IL6ST: variants seen among roughly 807,000 people sequenced by gnomAD.
IL6ST encodes the protein interleukin-6 receptor subunit beta.
In IL6ST, 24 loss-of-function variants were observed where a neutral mutation model predicts 91.3. The ratio of observed to expected loss-of-function variants is 0.26; its 90% confidence interval spans 0.19 to 0.37. The LOEUF is 0.37. IL6ST is among the 10% of genes least tolerant of loss of function. IL6ST has a pLI of 1.00. For missense variants in IL6ST, 914 were observed against 1,078.5 expected (o/e 0.85, Z 2.14); for synonymous variants, 351 against 373.6 (o/e 0.94, Z 0.70).
Position 55,939,203 on chromosome 5 carries a change from G to A in IL6ST, c.*1879C>T, listed in dbSNP as rs1404999572. 3 of 214,624 alleles carry A rather than the reference G, an allele frequency of 1.4e-5. No individual in the cohort carries two copies. Among genetic ancestry groups the A allele is most frequent in the African/African-American group, 6.8e-5 (3 of 44,324 alleles). The allele number at this position is 214,624 out of a possible 1,614,324, so 13.3% of individuals were successfully genotyped here. Reference sequence around the variant, plus strand: ...TTTGATGATCAACTTAAAAGCTGGAGATGTCATTATCTTGTTGTGTAAATT... The same window carrying A: ...TTTGATGATCAACTTAAAAGCTGGAAATGTCATTATCTTGTTGTGTAAATT... On this transcript the variant is annotated 3_prime_UTR_variant, in exon 17 of 17. Coordinates refer to ENST00000381298, the MANE Select transcript of IL6ST (RefSeq NM_002184.4).
chr5:55,940,234 C>A lies in IL6ST; in HGVS notation c.*848G>T. 4.7e-6 allele frequency: 1 copy of A among 210,700 alleles called. No individual in the cohort carries two copies. Among genetic ancestry groups the A allele is most frequent in the Middle Eastern group, 1.5e-3 (1 of 658 alleles). 13.1% of individuals were successfully genotyped at this position (210,700 alleles called of 1,614,324 possible). On this transcript the variant is annotated 3_prime_UTR_variant, in exon 17 of 17. Transcript: ENST00000381298. Reference sequence around the variant, plus strand: ...TTTTTTTTCCCCTTTACTACTACTTCCTGTTTTCCCCTTTACTACTACAAT... The same window carrying A: ...TTTTTTTTCCCCTTTACTACTACTTACTGTTTTCCCCTTTACTACTACAAT...
chr5:55,974,297 C>T (rs1753142055), intron 3 of IL6ST, among the ~76,000 whole-genome samples: 2 of 152,134 alleles, frequency 1.3e-5, no homozygotes, highest in Non-Finnish European at 2.9e-5. Context: ...AGGCCAAACA[C>T]TGTCCAAATA....
chr5:55,959,678 G>GA (rs780749233), intron 8 of IL6ST: 45 of 1,273,878 alleles, frequency 3.5e-5, no homozygotes, highest in East Asian at 9.9e-5. Context: ...AGTGCTATTA[G>GA]AAAAAAAATG....
At position 55,940,133 on chromosome 5, in the gene IL6ST, G is replaced by GTATATGTGTGTA. The variant is rs1554022476; in HGVS notation, c.*948_*949insTACACACATATA. 1.4e-3 allele frequency: 259 copies of GTATATGTGTGTA among 183,800 alleles called. No individual in the cohort carries two copies. In the East Asian group the frequency reaches 0.021, roughly 15 times the overall value. The allele number at this position is 183,800 out of a possible 1,614,324, so 11.4% of individuals were successfully genotyped here. A position where few individuals can be genotyped will look rare whatever the true frequency, so the allele number is the denominator to read the frequency against. On this transcript the variant is annotated 3_prime_UTR_variant, in exon 17 of 17. Transcript: ENST00000381298. Reference sequence around the variant, plus strand: ...TAAGAAAAGTCAATGATATGTGTGTGTATATATATATATATATATACACAC... The same window carrying GTATATGTGTGTA: ...TAAGAAAAGTCAATGATATGTGTGTGTATATGTGTGTATATATATATATATATATATACACAC...
At position 55,939,511 on chromosome 5, in the gene IL6ST, T is replaced by G. The variant is rs936312295; in HGVS notation, c.*1571A>C. On this transcript the variant is annotated 3_prime_UTR_variant, in exon 17 of 17. Transcript: ENST00000381298. ...TTCCATTGTAAATGTATACCAAGTT[T>G]TCTTAGCTTTCTATTCTCCAATAAC... is the stretch of plus-strand genomic sequence containing the variant. 9.7e-6 allele frequency: 2 copies of G among 205,208 alleles called. No homozygotes were observed. The highest frequency in any genetic ancestry group is 4.6e-5 in the African/African-American group (2 of 43,788). The allele number at this position is 205,208 out of a possible 1,614,324, so 12.7% of individuals were successfully genotyped here.
At chr5:55,983,477 C>T (rs1486602741) in intron 1 of IL6ST, among the ~76,000 whole-genome samples, 1 of 152,088 alleles carries the variant, frequency 6.6e-6, no homozygotes, top group Non-Finnish European at 1.5e-5. Flanking sequence ...TTCTATGTAA[C>T]CAGAGATAAA....
chr5:55,974,267 A>G (rs546084199), intron 3 of IL6ST, among the ~76,000 whole-genome samples: 3 of 152,174 alleles, frequency 2.0e-5, no homozygotes, highest in Non-Finnish European at 4.4e-5. Context: ...AGTAACTATC[A>G]TTTTTATAAT....
chr5:55,965,682 A>G (rs1752588000), intron 5 of IL6ST, among the ~76,000 whole-genome samples: 1 of 151,950 alleles, frequency 6.6e-6, no homozygotes, highest in African/African-American at 2.4e-5. Flanking sequence ...ATCAAAGGCT[A>G]AGGAAGTTGT....
At chr5:55,941,927 T>C in intron 16 of IL6ST, 108 bp from the exon 17 acceptor site, 2 of 922,672 alleles carry the variant, frequency 2.2e-6, no homozygotes, top group South Asian at 3.3e-5. Flanking sequence ...TAACCTGTAT[T>C]ATGTCACTAA....
intron 9 of IL6ST, among the ~76,000 whole-genome samples, chr5:55,956,828 T>A (rs1239432308): frequency 3.3e-5 from 5 of 152,168 alleles, no homozygotes; most frequent in African/African-American, 9.7e-5. Flanking sequence ...TAAAAATTTA[T>A]CTATTTAAAA....
chr5:55,954,089 A>G (rs918299293), intron 11 of IL6ST, among the ~76,000 whole-genome samples: 30 of 152,232 alleles, frequency 2.0e-4, no homozygotes, highest in Admixed American at 6.5e-5. Flanking sequence ...CTAGATAACC[A>G]AGCTTATTAA....
At chr5:55,967,487 C>CA (rs915470674) in intron 5 of IL6ST, among the ~76,000 whole-genome samples, 2 of 149,170 alleles carry the variant, frequency 1.3e-5, no homozygotes, top group African/African-American at 2.5e-5. Flanking sequence ...TTGACTGAAA[C>CA]AAATGTAAAA....
Position 55,956,100 on chromosome 5 carries a change from C to T in IL6ST, c.1192G>A (p.Ala398Thr). 6.2e-7 allele frequency: 1 copy of T among 1,613,414 alleles called. No individual in the cohort carries two copies. The highest frequency in any genetic ancestry group is 8.5e-7 in the Non-Finnish European group (1 of 1,179,356). The change falls in exon 10 of 17, where the codon GCA (alanine) becomes ACA (threonine). Residue 398 changes from alanine to threonine, a missense_variant. Coordinates refer to ENST00000381298, the MANE Select transcript of IL6ST (RefSeq NM_002184.4). ...TVNLTNDRYL[A>T]TLTVRNLVGK... The stretch of plus-strand genomic sequence containing the variant: ...ACAAGATTTCTTACTGTTAGGGTTG[C>T]TAGATAGCGATCATTTGTGAGATTT...
chr5:55,969,100 C>A lies in IL6ST; in HGVS notation c.370+450G>T, dbSNP rs551991748. Among the ~76,000 whole-genome samples the A allele has an allele frequency of 2.3e-4, 35 of 150,082 alleles. No individual in the cohort carries two copies. The South Asian group carries it at 7.4e-3, about 32-fold the overall frequency. On this transcript the variant is annotated intron_variant, in intron 4 of 16. Coordinates refer to ENST00000381298, the MANE Select transcript of IL6ST (RefSeq NM_002184.4). The stretch of plus-strand genomic sequence containing the variant: ...GTCCCAGCTACTTGGGAGGCTGAGG[C>A]AGGAGGATTGCTTGAACCCGGGAGG...
chr5:55,990,272 C>T (rs939602632), intron 1 of IL6ST, among the ~76,000 whole-genome samples: 2 of 150,886 alleles, frequency 1.3e-5, no homozygotes, highest in South Asian at 2.1e-4. Context: ...ACTAGATAGC[C>T]GCAAAGTTTA....
intron 8 of IL6ST, among the ~76,000 whole-genome samples, chr5:55,957,991 CTAAAA>C (rs1176218904): frequency 6.6e-6 from 1 of 151,948 alleles, no homozygotes; most frequent in African/African-American, 2.4e-5. Flanking sequence ...GATAAATGTA[CTAAAA>C]TAAGTTTATT....
Position 55,941,700 on chromosome 5 carries a change from C to T in IL6ST, c.2139G>A (p.Leu713=). 6.2e-7 allele frequency: 1 copy of T among 1,614,028 alleles called. No individual in the cohort carries two copies. The highest frequency in any genetic ancestry group is 8.5e-7 in the Non-Finnish European group (1 of 1,180,014). The part of the protein sequence containing the change: ...PFPEDLKSLD[L]FKKEKINTEG... The stretch of plus-strand genomic sequence containing the variant: ...CAGTATTAATTTTTTCCTTTTTGAA[C>T]AGGTCCAATGATTTCAGATCTTCTG... Residue 713 remains leucine (L), a synonymous_variant, in exon 17 of 17, where the codon CTG becomes CTA. Transcript: ENST00000381298.
chr5:55,964,523 T>C (rs922867499), intron 5 of IL6ST, among the ~76,000 whole-genome samples: 1 of 152,202 alleles, frequency 6.6e-6, no homozygotes, highest in African/African-American at 2.4e-5. Context: ...TATTTTCAAA[T>C]TTGTAGTCTA....
chr5:55,970,238 C>T (rs940138500), intron 3 of IL6ST, among the ~76,000 whole-genome samples: 2 of 152,156 alleles, frequency 1.3e-5, no homozygotes, highest in Non-Finnish European at 2.9e-5. Context: ...TGGTGGTCTC[C>T]TCTACAGTCC....
Sources: gnomAD v4.1 joint callset for allele counts (sites outside exome capture counted in the v4.1 genomes callset) on GRCh38, gnomAD v4.1.1 for gene constraint, MANE v1.5 for transcripts, NCBI Gene and HGNC (gene_info 2026-07-23, HGNC 2026-07-21) for gene names.